JAKMIP3: variants seen among roughly 807,000 people sequenced by gnomAD.
JAKMIP3 encodes janus kinase and microtubule-interacting protein 3.
JAKMIP3 carries 58 observed loss-of-function variants against 118.5 expected under a neutral mutation model. The ratio of observed to expected loss-of-function variants is 0.49; its 90% CI spans 0.40 to 0.61. The LOEUF is 0.61. JAKMIP3 is among the 20% of genes least tolerant of loss of function. The probability of loss-of-function intolerance (pLI) is 0.00; values close to 1 mark genes in which losing one functional copy is unlikely to be tolerated. For synonymous variants in JAKMIP3, 486 were observed against 451.2 expected (o/e 1.08, Z -0.98); for missense variants, 950 against 1,109.0 (o/e 0.86, Z 2.04).
chr10:132,159,832 C>CCTGTGTGATGCTGGGGGGCCTCTCG (rs2057799271), intron 19 of JAKMIP3, among the ~76,000 whole-genome samples: 1 of 38,128 alleles, frequency 2.6e-5, no homozygotes, highest in African/African-American at 2.1e-4. Context: ...GGGGCCTCTC[C>CCTGTGTGATGCTGGGGGGCCTCTCG]CTGTGTGATG....
chr10:132,060,685 G>T (rs1029685757), upstream of JAKMIP3, among the ~76,000 whole-genome samples: 3 of 152,172 alleles, frequency 2.0e-5, no homozygotes, highest in African/African-American at 7.2e-5. Flanking sequence ...AGATTGGAAA[G>T]AAACAAAAAT....
intron 1 of JAKMIP3, among the ~76,000 whole-genome samples, chr10:132,074,096 G>A (rs2040405194): frequency 6.6e-6 from 1 of 152,190 alleles, no homozygotes; most frequent in Non-Finnish European, 1.5e-5. Context: ...CTGCCACTCA[G>A]GCTGGAGTGC....
intron 23 of JAKMIP3, among the ~76,000 whole-genome samples, chr10:132,177,405 G>C (rs894348964): frequency 3.9e-5 from 6 of 152,040 alleles, no homozygotes; most frequent in Non-Finnish European, 7.4e-5. Context: ...GAGTGTGCCT[G>C]TGCATTTGGT....
chr10:132,176,255 C>A (rs959826946), intron 23 of JAKMIP3, among the ~76,000 whole-genome samples: 1 of 152,250 alleles, frequency 6.6e-6, no homozygotes, highest in Non-Finnish European at 1.5e-5. Flanking sequence ...CCCGTGCAGC[C>A]TCCAGCTCAC....
chr10:132,085,264 C>T (rs1021064776), intron 1 of JAKMIP3, among the ~76,000 whole-genome samples: 8 of 152,282 alleles, frequency 5.3e-5, no homozygotes, highest in Middle Eastern at 6.8e-3. Flanking sequence ...TTGGTCTGTT[C>T]AGAGTATCTG....
intron 2 of JAKMIP3, among the ~76,000 whole-genome samples, chr10:132,106,012 G>A (rs910619590): frequency 6.6e-6 from 1 of 152,112 alleles, no homozygotes; most frequent in African/African-American, 2.4e-5. Context: ...TTCGTGACAC[G>A]TGATCATCAT....
rs541923173 is a variant in JAKMIP3, at chr10:132,149,930, C to G, written c.1948-52C>G. ...CCTTCCCTGCCCTGTCCTTCCCCACCCCCTCTGCCCACCCCGTGGCCACTC... is the reference window on the plus strand; with the variant it reads ...CCTTCCCTGCCCTGTCCTTCCCCACGCCCTCTGCCCACCCCGTGGCCACTC... On this transcript the variant is annotated intron_variant, in intron 15 of 23. Coordinates refer to ENST00000684848, the MANE Select transcript of JAKMIP3 (RefSeq NM_001323087.2). 20 of 680,714 alleles carry G rather than the reference C, an allele frequency of 2.9e-5. 1 individual carries two copies. Among genetic ancestry groups the G allele is most frequent in the Non-Finnish European group, 4.3e-5 (20 of 469,292 alleles). The allele number at this position is 680,714 out of a possible 1,614,324, so 42.2% of individuals were successfully genotyped here.
At chr10:132,096,036 G>T (rs1465382824) in intron 1 of JAKMIP3, among the ~76,000 whole-genome samples, 2 of 140,658 alleles carry the variant, frequency 1.4e-5, no homozygotes, top group African/African-American at 2.5e-5. Context: ...CTGTGGTCTT[G>T]GGGGGGTCTT....
chr10:132,176,369 C>T (rs1326511861), intron 23 of JAKMIP3, among the ~76,000 whole-genome samples: 1 of 152,206 alleles, frequency 6.6e-6, no homozygotes, highest in Non-Finnish European at 1.5e-5. Context: ...GCATCGTCCT[C>T]GTGTTTCTTG....
intron 8 of JAKMIP3, 125 bp downstream of exon 8, chr10:132,137,414 A>T: frequency 8.1e-7 from 1 of 1,235,662 alleles, no homozygotes; most frequent in East Asian, 2.4e-5. Context: ...TTTCGGGTGG[A>T]TTTTGTTGTT....
chr10:132,087,993 T>A (rs1237951447), intron 1 of JAKMIP3, among the ~76,000 whole-genome samples: 3 of 152,148 alleles, frequency 2.0e-5, no homozygotes, highest in South Asian at 2.1e-4. Context: ...TTGCTGAGAA[T>A]GATGGTTTCC....
At chr10:132,113,280 G>A (rs1052173847) in intron 2 of JAKMIP3, among the ~76,000 whole-genome samples, 3 of 152,196 alleles carry the variant, frequency 2.0e-5, no homozygotes. Flanking sequence ...CAGATCCCCG[G>A]GGTTGCTGAT....
chr10:132,136,390 G>A (rs561435268), intron 6 of JAKMIP3, among the ~76,000 whole-genome samples: 10 of 152,344 alleles, frequency 6.6e-5, no homozygotes, highest in African/African-American at 2.2e-4. Flanking sequence ...CCCGGGCGAG[G>A]GTAGTAAGAG....
intron 1 of JAKMIP3, among the ~76,000 whole-genome samples, chr10:132,088,677 A>T (rs1418649772): frequency 2.0e-5 from 3 of 152,140 alleles, no homozygotes; most frequent in Non-Finnish European, 4.4e-5. Flanking sequence ...CTCTGATGGT[A>T]GTTTCTTTTG....
chr10:132,131,896 A>T (rs1025585428), intron 3 of JAKMIP3, among the ~76,000 whole-genome samples: 1 of 152,138 alleles, frequency 6.6e-6, no homozygotes, highest in African/African-American at 2.4e-5. Flanking sequence ...GCGCCTGCAC[A>T]GGCATGGGAA....
At chr10:132,096,449 G>A (rs993267384) in intron 1 of JAKMIP3, among the ~76,000 whole-genome samples, 13 of 152,138 alleles carry the variant, frequency 8.5e-5, no homozygotes, top group Non-Finnish European at 1.6e-4. Context: ...TGGAGCCGAC[G>A]GCTGTTTCCT....
At chr10:132,077,880 C>T (rs7076707) in intron 1 of JAKMIP3, among the ~76,000 whole-genome samples, 26,539 of 152,138 alleles carry the variant, frequency 0.17, 2,824 homozygotes, top group East Asian at 0.3. Flanking sequence ...GGCATGGTCT[C>T]GGCTCACTAC....
At chr10:132,133,252 T>C (rs2050995794) in intron 3 of JAKMIP3, 60 bp from the exon 4 acceptor site, 1 of 1,403,762 alleles carries the variant, frequency 7.1e-7, no homozygotes, top group East Asian at 2.5e-5. Flanking sequence ...CGCCCGTTTC[T>C]ATGGTAACTG....
At chr10:132,053,307 T>C (rs1341753504) in intron 1 of JAKMIP3, among the ~76,000 whole-genome samples, 2 of 152,216 alleles carry the variant, frequency 1.3e-5, no homozygotes, top group East Asian at 3.8e-4. Flanking sequence ...TGCAGTCCTA[T>C]GGAATTGGGG....
Sources: gnomAD v4.1 joint callset for allele counts (sites outside exome capture counted in the v4.1 genomes callset) on GRCh38, gnomAD v4.1.1 for gene constraint, MANE v1.5 for transcripts, NCBI Gene and HGNC (gene_info 2026-07-23, HGNC 2026-07-21) for gene names.